The following TEAD1 variants were observed in gnomAD, a reference collection of about 807,000 sequenced individuals.
The protein encoded by TEAD1 is TEA domain transcription factor 1.
TEAD1 carries 9 observed loss-of-function variants against 54.9 expected under a neutral mutation model. That is an observed-to-expected ratio of 0.16 (90% confidence interval 0.10 to 0.29). The LOEUF (loss-of-function observed/expected upper bound fraction) is 0.29, where lower values mean the gene tolerates loss of function less well. Ranked by LOEUF, TEAD1 falls within the 10% of genes least tolerant of loss-of-function variation. TEAD1 has a pLI of 1.00. For synonymous variants in TEAD1, 200 were observed against 187.8 expected, an observed-to-expected ratio of 1.07 and a Z score of -0.53; for missense variants, 387 against 535.9, an observed-to-expected ratio of 0.72 and a Z score of 2.74.
At chr11:12,857,139 A>G (rs1305070939) in intron 3 of TEAD1, among the ~76,000 whole-genome samples, 1 of 152,140 alleles carries the variant, frequency 6.6e-6, no homozygotes, top group Non-Finnish European at 1.5e-5. Context: ...TTCCATGGCA[A>G]TCCAAGATGC....
intron 9 of TEAD1, among the ~76,000 whole-genome samples, chr11:12,899,118 T>A (rs1185079334): frequency 1.3e-5 from 2 of 152,190 alleles, no homozygotes; most frequent in East Asian, 3.9e-4. Flanking sequence ...AAAGGGAGAC[T>A]GGGATTCAGC....
chr11:12,718,921 C>CT (rs1215870365), intron 2 of TEAD1, among the ~76,000 whole-genome samples: 1 of 151,424 alleles, frequency 6.6e-6, no homozygotes, highest in African/African-American at 2.4e-5. Flanking sequence ...CTTTCTGATG[C>CT]TTTATGTATA....
chr11:12,904,274 A>G (rs545412412), intron 10 of TEAD1, among the ~76,000 whole-genome samples: 46 of 151,454 alleles, frequency 3.0e-4, no homozygotes, highest in South Asian at 8.3e-4. Context: ...AAGTTTTATC[A>G]CATCAAGGAA....
At chr11:12,891,373 C>G (rs988292396) in intron 9 of TEAD1, among the ~76,000 whole-genome samples, 1 of 152,202 alleles carries the variant, frequency 6.6e-6, no homozygotes, top group Non-Finnish European at 1.5e-5. Context: ...GGAAACTATA[C>G]TGTTGGCCAG....
At chr11:12,680,215 T>A (rs1943188345) in intron 2 of TEAD1, among the ~76,000 whole-genome samples, 1 of 152,198 alleles carries the variant, frequency 6.6e-6, no homozygotes, top group African/African-American at 2.4e-5. Flanking sequence ...AGTGTCTGTA[T>A]CCCTTAATTT....
Position 12,785,021 on chromosome 11 carries a change from A to G in TEAD1, c.202+20587A>G, listed in dbSNP as rs1228582591. 4.6e-5 allele frequency among the ~76,000 whole-genome samples: 7 copies of G among 152,178 alleles called. No individual in the cohort carries two copies. The South Asian group carries it at 1.0e-3, about 23-fold the overall frequency. ...AGAAAACCCAGAGATGGTAGGCATGACCTGCCAGATGCAGCAAGCCCTGCC... is the reference window on the plus strand; with the variant it reads ...AGAAAACCCAGAGATGGTAGGCATGGCCTGCCAGATGCAGCAAGCCCTGCC... On this transcript the variant is annotated intron_variant, in intron 3 of 12. Coordinates refer to ENST00000527636, the MANE Select transcript of TEAD1 (RefSeq NM_021961.6).
chr11:12,703,317 CAT>C (rs972106528), intron 2 of TEAD1, among the ~76,000 whole-genome samples: 1 of 152,200 alleles, frequency 6.6e-6, no homozygotes, highest in African/African-American at 2.4e-5. Context: ...ATACATGTAA[CAT>C]AGGATGAGTC....
intron 3 of TEAD1, among the ~76,000 whole-genome samples, chr11:12,768,137 G>A (rs1383906974): frequency 2.6e-5 from 4 of 152,138 alleles, no homozygotes; most frequent in African/African-American, 4.8e-5. Context: ...TGCTGTAGAG[G>A]CAGAGAAGTA....
chr11:12,757,474 T>G lies in TEAD1; in HGVS notation c.-54-6705T>G, dbSNP rs146879228. On this transcript the variant is annotated intron_variant, in intron 2 of 12. Transcript: ENST00000527636. Reference sequence around the variant, plus strand: ...GATTACCTCTTAAAGGACTCAAATCTTATTTGTCCCTCTAACACAGAAGGA... The same window carrying G: ...GATTACCTCTTAAAGGACTCAAATCGTATTTGTCCCTCTAACACAGAAGGA... 7.9e-5 allele frequency among the ~76,000 whole-genome samples: 12 copies of G among 152,354 alleles called. No homozygotes were observed. In the East Asian group the frequency reaches 2.1e-3, roughly 27 times the overall value.
chr11:12,884,868 C>T (rs879533092), intron 9 of TEAD1, among the ~76,000 whole-genome samples: 27 of 152,156 alleles, frequency 1.8e-4, no homozygotes, highest in Non-Finnish European at 2.8e-4. Flanking sequence ...GAAAGATGCC[C>T]TGCGTGACTC....
chr11:12,924,806 G>C, intron 10 of TEAD1, 106 bp from the exon 11 acceptor site: 2 of 1,383,670 alleles, frequency 1.4e-6, no homozygotes. Flanking sequence ...TCCCAAGCCA[G>C]CCCTCTTCAT....
intron 2 of TEAD1, among the ~76,000 whole-genome samples, chr11:12,722,751 A>G (rs1486674325): frequency 1.3e-5 from 2 of 151,778 alleles, no homozygotes; most frequent in East Asian, 1.9e-4. Context: ...CCCTAACACA[A>G]CTGTTTTCAT....
At chr11:12,857,161 A>T (rs985760771) in intron 3 of TEAD1, among the ~76,000 whole-genome samples, 1 of 152,226 alleles carries the variant, frequency 6.6e-6, no homozygotes, top group East Asian at 1.9e-4. Context: ...AGAGAAGCCA[A>T]TGATGGGCTC....
chr11:12,760,587 T>C (rs2133920766), intron 2 of TEAD1, among the ~76,000 whole-genome samples: 1 of 152,362 alleles, frequency 6.6e-6, no homozygotes, highest in East Asian at 1.9e-4. Context: ...ATATCAGCTC[T>C]GCAGGTACAG....
intron 5 of TEAD1, among the ~76,000 whole-genome samples, chr11:12,879,185 G>A (rs1005354549): frequency 6.6e-6 from 1 of 152,152 alleles, no homozygotes; most frequent in South Asian, 2.1e-4. Context: ...CCAGGTGTCT[G>A]CAGGGCTTCC....
At chr11:12,886,362 G>C (rs1311083900) in intron 9 of TEAD1, among the ~76,000 whole-genome samples, 2 of 152,186 alleles carry the variant, frequency 1.3e-5, no homozygotes, top group Non-Finnish European at 2.9e-5. Context: ...AAAGGCCCTG[G>C]AATGAAAGGA....
intron 5 of TEAD1, among the ~76,000 whole-genome samples, chr11:12,876,222 A>G (rs1947851626): frequency 6.6e-6 from 1 of 152,222 alleles, no homozygotes; most frequent in Admixed American, 6.5e-5. Context: ...CATAAACAGC[A>G]AAGATAGGTG....
At chr11:12,677,087 G>A (rs559611805) in intron 2 of TEAD1, among the ~76,000 whole-genome samples, 20 of 152,190 alleles carry the variant, frequency 1.3e-4, no homozygotes, top group African/African-American at 4.6e-4. Flanking sequence ...TTCCTCCTCT[G>A]TGTGATCCTT....
chr11:12,857,097 A>G (rs1029400345), intron 3 of TEAD1, among the ~76,000 whole-genome samples: 1 of 152,198 alleles, frequency 6.6e-6, no homozygotes, highest in Admixed American at 6.5e-5. Flanking sequence ...TTCTTCTGGG[A>G]TCTCTCTCTG....
Sources: gnomAD v4.1 joint callset for allele counts (sites outside exome capture counted in the v4.1 genomes callset) on GRCh38, gnomAD v4.1.1 for gene constraint, MANE v1.5 for transcripts, NCBI Gene and HGNC (gene_info 2026-07-23, HGNC 2026-07-21) for gene names.